NRG3: variants seen among roughly 807,000 people sequenced by gnomAD.
The protein encoded by NRG3 is pro-neuregulin-3, membrane-bound isoform.
A neutral mutation model predicts 66.9 loss-of-function variants in NRG3; 31 were observed. The ratio of observed to expected loss-of-function variants is 0.46; its 90% confidence interval spans 0.35 to 0.63. NRG3 has a LOEUF of 0.63. Among genes scored for constraint, NRG3 ranks in the 20% least tolerant of loss-of-function variants. The pLI, the probability that NRG3 is intolerant of heterozygous loss-of-function variation, is 0.00. For missense variants in NRG3, 910 were observed against 878.9 expected (o/e 1.04, Z -0.45); for synonymous variants, 393 against 359.4 (o/e 1.09, Z -1.06).
intron 2 of NRG3, among the ~76,000 whole-genome samples, chr10:82,408,926 G>C (rs1049897743): frequency 8.6e-5 from 13 of 152,034 alleles, no homozygotes; most frequent in African/African-American, 3.1e-4. Flanking sequence ...TCCACATGTG[G>C]AATTTCATTT....
At chr10:82,589,795 A>T (rs1332475425) in intron 2 of NRG3, among the ~76,000 whole-genome samples, 1 of 152,176 alleles carries the variant, frequency 6.6e-6, no homozygotes, top group Non-Finnish European at 1.5e-5. Flanking sequence ...GCAATTTCCC[A>T]TTGACTAGGG....
At chr10:82,423,591 C>A (rs1416733879) in intron 2 of NRG3, among the ~76,000 whole-genome samples, 1 of 151,718 alleles carries the variant, frequency 6.6e-6, no homozygotes, top group East Asian at 1.9e-4. Context: ...ACAGTAATTA[C>A]CATTATGAAA....
intron 2 of NRG3, among the ~76,000 whole-genome samples, chr10:82,593,683 T>A (rs1244034718): frequency 6.6e-6 from 1 of 152,138 alleles, no homozygotes; most frequent in Non-Finnish European, 1.5e-5. Flanking sequence ...GTTATTACTA[T>A]CAATAATTTG....
At chr10:81,911,304 A>G (rs138850646) in intron 1 of NRG3, among the ~76,000 whole-genome samples, 402 of 152,268 alleles carry the variant, frequency 2.6e-3, no homozygotes, top group Middle Eastern at 0.01. Context: ...GTAAAGTGCT[A>G]CTACATAGTG....
chr10:82,246,191 T>C (rs1420104873), intron 1 of NRG3, among the ~76,000 whole-genome samples: 1 of 152,080 alleles, frequency 6.6e-6, no homozygotes, highest in Non-Finnish European at 1.5e-5. Context: ...AGTTTCTGTG[T>C]TAGCTGGTTT....
intron 1 of NRG3, among the ~76,000 whole-genome samples, chr10:82,002,704 A>G (rs2061220515): frequency 6.6e-6 from 1 of 152,218 alleles, no homozygotes; most frequent in African/African-American, 2.4e-5. Flanking sequence ...ATATCAGAAC[A>G]TTCACAAATA....
intron 1 of NRG3, among the ~76,000 whole-genome samples, chr10:82,259,957 TAAAC>T (rs763716550): frequency 1.6e-4 from 24 of 151,830 alleles, no homozygotes; most frequent in Non-Finnish European, 2.1e-4. Flanking sequence ...ACAAAACTGA[TAAAC>T]AAATAAATAA....
intron 1 of NRG3, among the ~76,000 whole-genome samples, chr10:81,991,914 A>G (rs1466583716): frequency 2.6e-5 from 4 of 152,146 alleles, no homozygotes; most frequent in South Asian, 2.1e-4. Context: ...TTAAACAAAT[A>G]TTATATCATA....
intron 1 of NRG3, among the ~76,000 whole-genome samples, chr10:82,017,129 C>G (rs2061822304): frequency 6.6e-6 from 1 of 152,120 alleles, no homozygotes; most frequent in South Asian, 2.1e-4. Context: ...GTTCCCCTTC[C>G]TGTGTCCAAG....
At chr10:81,965,514 T>G (rs1453461813) in intron 1 of NRG3, among the ~76,000 whole-genome samples, 2 of 152,216 alleles carry the variant, frequency 1.3e-5, no homozygotes, top group East Asian at 3.8e-4. Flanking sequence ...CAGTGGGGTG[T>G]GTAATAATGT....
chr10:81,960,483 T>G (rs1564691709), intron 1 of NRG3, among the ~76,000 whole-genome samples: 1 of 152,144 alleles, frequency 6.6e-6, no homozygotes, highest in African/African-American at 2.4e-5. Flanking sequence ...GGTTTGTAAT[T>G]TTAATGTCCA....
intron 2 of NRG3, among the ~76,000 whole-genome samples, chr10:82,621,166 C>T (rs994881563): frequency 1.4e-4 from 22 of 151,944 alleles, no homozygotes; most frequent in Admixed American, 1.2e-3. Context: ...TGAAGGTTTG[C>T]GGAACTTGAA....
chr10:82,161,029 G>C (rs2071554839), intron 1 of NRG3, among the ~76,000 whole-genome samples: 1 of 152,012 alleles, frequency 6.6e-6, no homozygotes, highest in Non-Finnish European at 1.5e-5. Flanking sequence ...TCTGTCTTGA[G>C]ACAAAGTGAA....
chr10:82,553,982 A>T (rs553950469), intron 2 of NRG3, among the ~76,000 whole-genome samples: 1 of 152,294 alleles, frequency 6.6e-6, no homozygotes, highest in South Asian at 2.1e-4. Context: ...AACAACACAG[A>T]TTGTATTTCA....
At chr10:82,499,947 T>C (rs527592763) in intron 2 of NRG3, among the ~76,000 whole-genome samples, 1 of 152,262 alleles carries the variant, frequency 6.6e-6, no homozygotes, top group South Asian at 2.1e-4. Context: ...TGTACAAAAC[T>C]CTCTGATTTC....
intron 2 of NRG3, among the ~76,000 whole-genome samples, chr10:82,508,269 T>C (rs1372383379): frequency 1.3e-5 from 2 of 152,224 alleles, no homozygotes; most frequent in African/African-American, 4.8e-5. Context: ...TTGGCCATTG[T>C]TTATGGGGAG....
intron 2 of NRG3, among the ~76,000 whole-genome samples, chr10:82,504,777 T>C (rs1678335908): frequency 6.6e-6 from 1 of 152,190 alleles, no homozygotes. Flanking sequence ...CTGTGATTTA[T>C]GGTCTTATTT....
At chr10:81,914,007 GCA>G (rs1342738424) in intron 1 of NRG3, among the ~76,000 whole-genome samples, 1 of 152,158 alleles carries the variant, frequency 6.6e-6, no homozygotes, top group African/African-American at 2.4e-5. Context: ...GTACAGCTAT[GCA>G]CACTCTCTAA....
intron 4 of NRG3, among the ~76,000 whole-genome samples, chr10:82,929,900 A>T (rs139341142): frequency 1.9e-4 from 29 of 151,974 alleles, no homozygotes; most frequent in African/African-American, 6.8e-4. Context: ...AGGAAAAAGA[A>T]AAAAAATGAA....
Sources: gnomAD v4.1 joint callset for allele counts (sites outside exome capture counted in the v4.1 genomes callset) on GRCh38, gnomAD v4.1.1 for gene constraint, MANE v1.5 for transcripts, NCBI Gene and HGNC (gene_info 2026-07-23, HGNC 2026-07-21) for gene names.